Variants in SLBP observed in about 807,000 individuals in gnomAD.
SLBP encodes the protein stem-loop histone mRNA binding protein.
In SLBP, 29 loss-of-function variants were observed where a neutral mutation model predicts 39.2. The ratio of observed to expected loss-of-function variants is 0.74; its 90% CI spans 0.55 to 1.01. The LOEUF is 1.01. Among genes scored for constraint, SLBP ranks in the 50% least tolerant of loss-of-function variants. SLBP has a pLI of 0.00. For missense variants in SLBP, 390 were observed against 350.2 expected, an observed-to-expected ratio of 1.11 and a Z score of -0.91; for synonymous variants, 129 against 118.7, an observed-to-expected ratio of 1.09 and a Z score of -0.57.
intron 2 of SLBP, among the ~76,000 whole-genome samples, chr4:1,710,589 G>A (rs1458341330): frequency 1.3e-5 from 2 of 152,190 alleles, no homozygotes; most frequent in African/African-American, 2.4e-5. Context: ...AGAAAAGTAG[G>A]TTGAAGGAGA....
chr4:1,695,420 T>C (rs1322592201), intron 6 of SLBP, among the ~76,000 whole-genome samples: 1 of 152,142 alleles, frequency 6.6e-6, no homozygotes, highest in Non-Finnish European at 1.5e-5. Context: ...AGGTACACGA[T>C]CATTCTCTCT....
intron 2 of SLBP, among the ~76,000 whole-genome samples, chr4:1,704,632 C>T (rs950634286): frequency 6.6e-6 from 1 of 152,132 alleles, no homozygotes; most frequent in African/African-American, 2.4e-5. Context: ...CCAGCAACCT[C>T]GTGCTTCCCC....
At chr4:1,702,763 G>A (rs924149629) in intron 3 of SLBP, among the ~76,000 whole-genome samples, 1 of 152,206 alleles carries the variant, frequency 6.6e-6, no homozygotes, top group African/African-American at 2.4e-5. Context: ...ACAATCTTGT[G>A]TGCAACTGCA....
At chr4:1,705,693 T>G (rs1393436296) in intron 2 of SLBP, among the ~76,000 whole-genome samples, 2 of 152,258 alleles carry the variant, frequency 1.3e-5, no homozygotes, top group African/African-American at 2.4e-5. Context: ...TTGTCCACTC[T>G]GCAAATGGTC....
intron 3 of SLBP, 72 bp from the exon 4 acceptor site, chr4:1,700,142 C>A (rs1376786938): frequency 3.0e-6 from 3 of 1,007,422 alleles, no homozygotes; most frequent in Non-Finnish European, 4.6e-6. Context: ...GAGGAAGCTC[C>A]ACCCTGATGC....
chr4:1,701,146 CTTTTT>C (rs369039404), intron 3 of SLBP, among the ~76,000 whole-genome samples: 12 of 123,674 alleles, frequency 9.7e-5, no homozygotes, highest in Non-Finnish European at 1.5e-4. Context: ...TCTTTTTTTT[CTTTTT>C]TTTTTTTTTT....
rs1716268584 is a variant in SLBP at position 1,700,089 on chromosome 4, T to C, written c.282-19A>G. On this transcript the variant is annotated intron_variant, in intron 3 of 7. Transcript: ENST00000489418. ...TTTATATCTGAGGGCAAAATAAATA[T>C]TGCTGTTTTTAAAAAAGATATAAAA... The C allele has an allele frequency of 1.3e-6, 2 of 1,548,962 alleles. No individual in the cohort carries two copies. Among genetic ancestry groups the C allele is most frequent in the Non-Finnish European group, 1.8e-6 (2 of 1,128,078 alleles).
rs931170998 is a variant in SLBP at position 1,712,296 on chromosome 4, C to A, written c.-108G>T. The A allele has an allele frequency of 3.1e-6, 2 of 653,644 alleles. No individual in the cohort carries two copies. The highest frequency in any genetic ancestry group is 4.3e-5 in the Admixed American group (1 of 23,152). 40.5% of individuals were successfully genotyped at this position (653,644 alleles called of 1,614,324 possible). Reference sequence around the variant, plus strand: ...AGGGCCTGAGGCAGAAACCCGCGTCCCCGCGCCGGCGCTCACGAGCTCTGC... The same window carrying A: ...AGGGCCTGAGGCAGAAACCCGCGTCACCGCGCCGGCGCTCACGAGCTCTGC... On this transcript the variant is annotated 5_prime_UTR_variant, in exon 1 of 8. Coordinates refer to ENST00000489418, the MANE Select transcript of SLBP (RefSeq NM_006527.4).
rs187244693 is a variant in SLBP, at chr4:1,711,088, T to C, written c.176+786A>G. On this transcript the variant is annotated intron_variant, in intron 2 of 7. Coordinates refer to ENST00000489418, the MANE Select transcript of SLBP (RefSeq NM_006527.4). ...AAAAAAAAAAAAAGTAACGCAAAGG[T>C]AGTTTCTTGCATGATTCCGCGCTCA... is the stretch of plus-strand genomic sequence containing the variant. Among the ~76,000 whole-genome samples, 72 of 143,414 alleles carry C rather than the reference T, an allele frequency of 5.0e-4. No individual in the cohort carries two copies. In the East Asian group the frequency reaches 0.014, roughly 28 times the overall value. The allele number at this position is 143,414 out of a possible 152,430, so 94.1% of individuals were successfully genotyped here.
At chr4:1,696,180 C>T (rs1286329752) in intron 6 of SLBP, 22 bp downstream of exon 6, 1 of 1,567,778 alleles carries the variant, frequency 6.4e-7, no homozygotes, top group Non-Finnish European at 8.6e-7. Flanking sequence ...AATCACAGGA[C>T]AAGAATGCAA....
At chr4:1,705,215 C>T (rs1213056400) in intron 2 of SLBP, among the ~76,000 whole-genome samples, 1 of 152,224 alleles carries the variant, frequency 6.6e-6, no homozygotes, top group Admixed American at 6.5e-5. Context: ...CTGTGAGCCA[C>T]CGTACCCAGA....
chr4:1,711,975 C>A lies in SLBP; in HGVS notation c.75G>T (p.Ala25=). The A allele has an allele frequency of 1.5e-6, 2 of 1,301,400 alleles. No homozygotes were observed. Among genetic ancestry groups the A allele is most frequent in the Non-Finnish European group, 2.0e-6 (2 of 1,025,320 alleles). The allele number at this position is 1,301,400 out of a possible 1,614,324, so 80.6% of individuals were successfully genotyped here. A position where few individuals can be genotyped will look rare whatever the true frequency, so the allele number is the denominator to read the frequency against. ...TGCGCTTCCGTCCCAGGCTCCATCG[C>A]GCGGGGGACGGCGGGCTGCGGGGAG... ...CDGDASPPSP[A]RWSLGRKRRA... The change falls in exon 2 of 8, where the codon GCG becomes GCT. Residue 25 remains alanine, a synonymous_variant. Transcript: ENST00000489418.
At chr4:1,710,237 G>A (rs758803484) in intron 2 of SLBP, among the ~76,000 whole-genome samples, 1 of 152,230 alleles carries the variant, frequency 6.6e-6, no homozygotes, top group Non-Finnish European at 1.5e-5. Flanking sequence ...TGTGCCTGAA[G>A]ATGCCTCCCA....
At chr4:1,697,794 A>G (rs1216967245) in intron 5 of SLBP, among the ~76,000 whole-genome samples, 1 of 151,912 alleles carries the variant, frequency 6.6e-6, no homozygotes, top group Non-Finnish European at 1.5e-5. Context: ...CGGTGAGCCA[A>G]GATTGCACCA....
intron 6 of SLBP, among the ~76,000 whole-genome samples, chr4:1,695,775 A>C (rs1259641352): frequency 3.2e-5 from 3 of 92,810 alleles, no homozygotes; most frequent in South Asian, 2.9e-4. Context: ...AGCATCTCCC[A>C]AAAAAAAAAA....
chr4:1,696,464 C>G, intron 5 of SLBP, 113 bp from the exon 6 acceptor site: 2 of 888,976 alleles, frequency 2.2e-6, no homozygotes, highest in Non-Finnish European at 1.6e-6. Context: ...TACAGATCAC[C>G]AGGCATGGTG....
intron 2 of SLBP, among the ~76,000 whole-genome samples, chr4:1,709,415 G>A (rs1157313008): frequency 6.6e-6 from 1 of 152,186 alleles, no homozygotes; most frequent in Non-Finnish European, 1.5e-5. Flanking sequence ...TCTGTAAACA[G>A]TGTTCAAGAA....
At chr4:1,710,009 T>G (rs574100729) in intron 2 of SLBP, among the ~76,000 whole-genome samples, 1 of 152,208 alleles carries the variant, frequency 6.6e-6, no homozygotes, top group Non-Finnish European at 1.5e-5. Context: ...CCCACCTTTA[T>G]GAGCTCTTAA....
intron 3 of SLBP, 80 bp from the exon 4 acceptor site, chr4:1,700,150 T>C: frequency 1.1e-6 from 1 of 911,966 alleles, no homozygotes; most frequent in Non-Finnish European, 1.7e-6. Flanking sequence ...TCCACCCTGA[T>C]GCCCGCAGGC....
Sources: gnomAD v4.1 joint callset for allele counts (sites outside exome capture counted in the v4.1 genomes callset) on GRCh38, gnomAD v4.1.1 for gene constraint, MANE v1.5 for transcripts, NCBI Gene and HGNC (gene_info 2026-07-23, HGNC 2026-07-21) for gene names.